The following SDK1 variants were observed in gnomAD, a reference collection of about 807,000 sequenced individuals.
SDK1 encodes sidekick cell adhesion molecule 1, also known as protein sidekick-1.
SDK1 carries 157 observed loss-of-function variants against 245.5 expected under a neutral mutation model. The ratio of observed to expected loss-of-function variants is 0.64; its 90% CI spans 0.56 to 0.73. The LOEUF is 0.73. SDK1 is among the 30% of genes least tolerant of loss of function. SDK1 has a pLI of 0.00. For synonymous variants in SDK1, 1,647 were observed against 1,278.5 expected (o/e 1.29, Z -6.15); for missense variants, 3,583 against 3,002.3 (o/e 1.19, Z -4.52).
At chr7:3,985,415 G>C (rs1783744281) in intron 13 of SDK1, among the ~76,000 whole-genome samples, 1 of 152,198 alleles carries the variant, frequency 6.6e-6, no homozygotes, top group African/African-American at 2.4e-5. Flanking sequence ...AATAGGAAAT[G>C]GGGCTTGGGA....
intron 32 of SDK1, among the ~76,000 whole-genome samples, chr7:4,168,073 C>T (rs909880347): frequency 5.3e-5 from 8 of 152,210 alleles, no homozygotes; most frequent in South Asian, 4.1e-4. Flanking sequence ...AGTTCAGAAC[C>T]CTGTGCAGGC....
chr7:3,680,994 CAT>C (rs747161215), intron 4 of SDK1, among the ~76,000 whole-genome samples: 3 of 152,088 alleles, frequency 2.0e-5, no homozygotes, highest in East Asian at 1.9e-4. Flanking sequence ...AGGTGCACCC[CAT>C]CAGGTCCAGC....
At chr7:3,538,061 G>T (rs1470441144) in intron 1 of SDK1, among the ~76,000 whole-genome samples, 1 of 152,094 alleles carries the variant, frequency 6.6e-6, no homozygotes, top group Non-Finnish European at 1.5e-5. Context: ...TGGCTCTCCT[G>T]GGTGGGAAGA....
At chr7:3,898,284 T>G (rs1180302750) in intron 5 of SDK1, among the ~76,000 whole-genome samples, 1 of 152,168 alleles carries the variant, frequency 6.6e-6, no homozygotes, top group Non-Finnish European at 1.5e-5. Flanking sequence ...CAGTTGGGGT[T>G]TCCAACAGGT....
At chr7:3,482,905 C>T (rs1048019348) in intron 1 of SDK1, among the ~76,000 whole-genome samples, 3 of 152,154 alleles carry the variant, frequency 2.0e-5, no homozygotes, top group Admixed American at 6.5e-5. Context: ...GTAATAAGTG[C>T]TAAGTAAACG....
At chr7:3,763,957 C>G (rs1454434415) in intron 4 of SDK1, among the ~76,000 whole-genome samples, 1 of 152,118 alleles carries the variant, frequency 6.6e-6, no homozygotes, top group African/African-American at 2.4e-5. Flanking sequence ...TCTCTCATGC[C>G]CCTTCCCAGT....
chr7:3,815,812 A>G (rs1339025068), intron 4 of SDK1, among the ~76,000 whole-genome samples: 4 of 150,172 alleles, frequency 2.7e-5, no homozygotes, highest in Non-Finnish European at 5.9e-5. Context: ...GCACCACACC[A>G]CACCTATTCC....
chr7:3,975,686 G>A (rs551194229), intron 13 of SDK1, among the ~76,000 whole-genome samples: 10 of 152,368 alleles, frequency 6.6e-5, no homozygotes, highest in African/African-American at 2.4e-4. Flanking sequence ...GGTTCACGAT[G>A]TGTAGCAGTC....
chr7:3,808,705 T>C (rs932463514), intron 4 of SDK1, among the ~76,000 whole-genome samples: 1 of 152,204 alleles, frequency 6.6e-6, no homozygotes, highest in African/African-American at 2.4e-5. Flanking sequence ...TGATGGCTGT[T>C]TGACCATTTC....
At chr7:3,373,313 A>T (rs995989779) in intron 1 of SDK1, among the ~76,000 whole-genome samples, 14 of 152,332 alleles carry the variant, frequency 9.2e-5, no homozygotes, top group African/African-American at 3.4e-4. Flanking sequence ...AGCGAAAGTG[A>T]AGAACAGAAT....
chr7:4,089,419 G>A (rs960029204), intron 22 of SDK1, among the ~76,000 whole-genome samples: 1 of 152,254 alleles, frequency 6.6e-6, no homozygotes, highest in Admixed American at 6.5e-5. Context: ...GCCTCAGGGG[G>A]CCTCTGTGCT....
intron 5 of SDK1, among the ~76,000 whole-genome samples, chr7:3,936,910 C>T (rs944090306): frequency 1.2e-4 from 19 of 152,010 alleles, no homozygotes; most frequent in African/African-American, 4.4e-4. Flanking sequence ...CACTCAGGTC[C>T]GAGGAGGGCA....
At chr7:3,442,647 T>G (rs1354662377) in intron 1 of SDK1, among the ~76,000 whole-genome samples, 1 of 152,234 alleles carries the variant, frequency 6.6e-6, no homozygotes, top group Non-Finnish European at 1.5e-5. Flanking sequence ...CCTATTTTCT[T>G]TGAGAATATG....
chr7:4,024,955 G>T (rs1394966028), intron 17 of SDK1, among the ~76,000 whole-genome samples: 1 of 151,792 alleles, frequency 6.6e-6, no homozygotes, highest in Admixed American at 6.6e-5. Flanking sequence ...GTAGAGGGTG[G>T]GTTTGCAGTG....
chr7:4,131,619 A>G (rs1784826784), intron 27 of SDK1, among the ~76,000 whole-genome samples: 1 of 152,200 alleles, frequency 6.6e-6, no homozygotes, highest in Non-Finnish European at 1.5e-5. Flanking sequence ...AGAAGCTCTC[A>G]TACTGGCCAC....
In SDK1 at chr7:3,422,388, T is replaced by C. The variant is rs540724126; in HGVS notation, c.298+120504T>C. Among the ~76,000 whole-genome samples, 4 of 152,316 alleles carry C rather than the reference T, an allele frequency of 2.6e-5. No individual in the cohort carries two copies. In the East Asian group the frequency reaches 7.7e-4, roughly 29 times the overall value. ...GTGGCTTATATGCAACCGATTAACT[T>C]GAGTCAAATCTAAATAAATGTTAGT... On this transcript the variant is annotated intron_variant, in intron 1 of 44. Transcript: ENST00000404826.
intron 5 of SDK1, among the ~76,000 whole-genome samples, chr7:3,950,416 C>T (rs534213585): frequency 6.6e-5 from 10 of 152,326 alleles, no homozygotes; most frequent in African/African-American, 2.4e-4. Flanking sequence ...CCTCCGTCAA[C>T]CATGGTCCGA....
intron 4 of SDK1, among the ~76,000 whole-genome samples, chr7:3,789,305 G>A (rs755645818): frequency 6.6e-6 from 1 of 152,080 alleles, no homozygotes; most frequent in Non-Finnish European, 1.5e-5. Flanking sequence ...GCGCCACCAC[G>A]CCCGGCTAAT....
chr7:4,023,634 A>G (rs548578236), intron 17 of SDK1, among the ~76,000 whole-genome samples: 1 of 152,228 alleles, frequency 6.6e-6, no homozygotes, highest in African/African-American at 2.4e-5. Context: ...AGTGCCCAGT[A>G]TAATTAGAAA....
Sources: gnomAD v4.1 joint callset for allele counts (sites outside exome capture counted in the v4.1 genomes callset) on GRCh38, gnomAD v4.1.1 for gene constraint, MANE v1.5 for transcripts, NCBI Gene and HGNC (gene_info 2026-07-23, HGNC 2026-07-21) for gene names.